Variants in RPS6KB1 observed in about 807,000 individuals in gnomAD.
RPS6KB1 encodes the protein ribosomal protein S6 kinase beta-1.
Under a neutral mutation model 70.2 loss-of-function variants are expected in RPS6KB1, and 12 were observed. The observed-to-expected ratio is 0.17, with a 90% CI of 0.11 to 0.28. The LOEUF (loss-of-function observed/expected upper bound fraction) is 0.28. Among genes scored for constraint, RPS6KB1 ranks in the 10% least tolerant of loss-of-function variants. RPS6KB1 has a pLI of 1.00. For synonymous variants in RPS6KB1, 175 were observed against 211.2 expected, an observed-to-expected ratio of 0.83 and a Z score of 1.49; for missense variants, 270 against 646.6, an observed-to-expected ratio of 0.42 and a Z score of 6.32.
intron 4 of RPS6KB1, among the ~76,000 whole-genome samples, chr17:59,924,686 G>C (rs1288028993): frequency 6.6e-6 from 1 of 151,850 alleles, no homozygotes; most frequent in African/African-American, 2.4e-5. Flanking sequence ...GCAGGCATAA[G>C]CAGATACATA....
intron 1 of RPS6KB1, among the ~76,000 whole-genome samples, chr17:59,895,911 G>A (rs972225426): frequency 6.6e-6 from 1 of 152,166 alleles, no homozygotes; most frequent in African/African-American, 2.4e-5. Flanking sequence ...GGGATTACAG[G>A]CGTGAGCCAC....
intron 13 of RPS6KB1, among the ~76,000 whole-genome samples, chr17:59,942,502 A>G (rs2044671683): frequency 6.6e-6 from 1 of 152,130 alleles, no homozygotes; most frequent in African/African-American, 2.4e-5. Flanking sequence ...ATGAACATCT[A>G]TCTCATTTTG....
At chr17:59,935,631 C>T (rs1427501627) in intron 10 of RPS6KB1, among the ~76,000 whole-genome samples, 13 of 151,730 alleles carry the variant, frequency 8.6e-5, no homozygotes, top group African/African-American at 1.9e-4. Flanking sequence ...CCCGCCACCA[C>T]GCCCGGCTAA....
chr17:59,894,981 T>TTTTTC (rs60799718), intron 1 of RPS6KB1, among the ~76,000 whole-genome samples: 38,922 of 150,858 alleles, frequency 0.26, 5,088 homozygotes, highest in Middle Eastern at 0.39. Context: ...AGTTGTGTGC[T>TTTTTC]TTTTCTTTTC....
At chr17:59,933,690 C>G (rs1023404563) in intron 7 of RPS6KB1, among the ~76,000 whole-genome samples, 25 of 152,102 alleles carry the variant, frequency 1.6e-4, no homozygotes, top group African/African-American at 5.8e-4. Flanking sequence ...AATGAGCTAC[C>G]TTGTTATAAT....
chr17:59,920,274 T>TC (rs1235197324), intron 4 of RPS6KB1, among the ~76,000 whole-genome samples: 1 of 152,106 alleles, frequency 6.6e-6, no homozygotes, highest in Non-Finnish European at 1.5e-5. Flanking sequence ...CTTCTTGGCC[T>TC]CCCAAAGTGC....
At chr17:59,932,881 T>G (rs545212600) in intron 7 of RPS6KB1, among the ~76,000 whole-genome samples, 10 of 152,292 alleles carry the variant, frequency 6.6e-5, no homozygotes, top group African/African-American at 2.2e-4. Flanking sequence ...TGCTGTTTGT[T>G]TGTAACAACA....
Position 59,949,176 on chromosome 17 carries a change from T to C in RPS6KB1, c.*2388T>C, listed in dbSNP as rs1332033961. On this transcript the variant is annotated 3_prime_UTR_variant, in exon 15 of 15. Transcript: ENST00000225577. ...GACTTCACATTTATTAAGTGAAATT[T>C]ATTTCCCATGCTGTGGAAAGTTTAT... The C allele has an allele frequency of 6.6e-6, 1 of 152,660 alleles. No homozygotes were observed. The highest frequency in any genetic ancestry group is 2.4e-5 in the African/African-American group (1 of 41,474). 9.5% of individuals were successfully genotyped at this position (152,660 alleles called of 1,614,324 possible). A position where few individuals can be genotyped will look rare whatever the true frequency, so the allele number is the denominator to read the frequency against.
intron 1 of RPS6KB1, among the ~76,000 whole-genome samples, chr17:59,900,050 C>T (rs981372934): frequency 5.9e-5 from 9 of 151,906 alleles, no homozygotes; most frequent in South Asian, 2.1e-4. Flanking sequence ...CAGCACACGC[C>T]TGGCACTAGT....
intron 1 of RPS6KB1, among the ~76,000 whole-genome samples, chr17:59,895,860 T>A (rs1450504695): frequency 4.0e-5 from 6 of 151,886 alleles, no homozygotes; most frequent in Non-Finnish European, 7.4e-5. Context: ...CCTGAACTCC[T>A]GAGCTCCAGC....
chr17:59,925,259 A>G lies in RPS6KB1; in HGVS notation c.382-1176A>G, dbSNP rs552340772. 2.6e-5 allele frequency among the ~76,000 whole-genome samples: 4 copies of G among 152,282 alleles called. No individual in the cohort carries two copies. The South Asian group carries it at 8.3e-4, about 32-fold the overall frequency. ...TTCACAGATAATGTTGCAACCAATT[A>G]CCTGTGTATTTGCTTTCCATATTAC... On this transcript the variant is annotated intron_variant, in intron 4 of 14. Transcript: ENST00000225577.
chr17:59,903,563 A>G (rs2074630914), intron 1 of RPS6KB1, among the ~76,000 whole-genome samples: 1 of 152,206 alleles, frequency 6.6e-6, no homozygotes, highest in East Asian at 1.9e-4. Flanking sequence ...TTGAGTAGAT[A>G]CATTGGAGTA....
intron 1 of RPS6KB1, among the ~76,000 whole-genome samples, chr17:59,909,701 A>AC (rs1425562916): frequency 6.6e-6 from 1 of 150,484 alleles, no homozygotes; most frequent in African/African-American, 2.4e-5. Flanking sequence ...ACATGATGAA[A>AC]CCCCATCTCT....
intron 12 of RPS6KB1, among the ~76,000 whole-genome samples, chr17:59,940,275 CTTTTTT>C (rs559026454): frequency 8.6e-5 from 7 of 81,488 alleles, no homozygotes; most frequent in Admixed American, 1.8e-4. Flanking sequence ...GATATATTCA[CTTTTTT>C]TTTTTTTTTT....
rs2145097228 is a variant in RPS6KB1, at chr17:59,949,040, T to C, written c.*2252T>C. The C allele has an allele frequency of 6.5e-6, 1 of 152,750 alleles. No individual in the cohort carries two copies. The highest frequency in any genetic ancestry group is 6.5e-5 in the Admixed American group (1 of 15,292). The allele number at this position is 152,750 out of a possible 1,614,324, so 9.5% of individuals were successfully genotyped here. On this transcript the variant is annotated 3_prime_UTR_variant, in exon 15 of 15. Transcript: ENST00000225577. Reference sequence around the variant, plus strand: ...ATTGGCTGGCTATAACCACCCCAGTTAAACCATTTTCATAATTAGTAGTGC... The same window carrying C: ...ATTGGCTGGCTATAACCACCCCAGTCAAACCATTTTCATAATTAGTAGTGC...
intron 5 of RPS6KB1, 90 bp downstream of exon 5, chr17:59,926,672 A>G (rs2043624844): frequency 1.8e-6 from 2 of 1,112,448 alleles, no homozygotes; most frequent in South Asian, 3.0e-5. Flanking sequence ...ACTTTTTCCC[A>G]TTATGATCAA....
intron 13 of RPS6KB1, among the ~76,000 whole-genome samples, chr17:59,941,863 T>C (rs1285290084): frequency 1.3e-5 from 2 of 148,370 alleles, no homozygotes; most frequent in Admixed American, 1.3e-4. Context: ...CGATTTCTTT[T>C]TTTTTTTTTT....
chr17:59,923,912 A>G (rs1000728850), intron 4 of RPS6KB1, among the ~76,000 whole-genome samples: 4 of 152,262 alleles, frequency 2.6e-5, no homozygotes, highest in African/African-American at 4.8e-5. Context: ...CAATATGTGC[A>G]TAATGAAAAT....
rs558075313 is a variant in RPS6KB1 at position 59,942,058 on chromosome 17, T to C, written c.1227+1115T>C. Reference sequence around the variant, plus strand: ...TATTTGTAGTAGAGACGGGGTTTCATCGTGTTAGCCAGGATAGTTTTGATC... The same window carrying C: ...TATTTGTAGTAGAGACGGGGTTTCACCGTGTTAGCCAGGATAGTTTTGATC... On this transcript the variant is annotated intron_variant, in intron 13 of 14. Transcript: ENST00000225577. Among the ~76,000 whole-genome samples, 677 of 152,114 alleles carry C rather than the reference T, an allele frequency of 4.5e-3. 6 individuals are homozygous for C. Among genetic ancestry groups the C allele is most frequent in the African/African-American group, 0.014 (588 of 41,514 alleles).
Sources: allele counts gnomAD v4.1 joint callset (sites outside exome capture counted in the v4.1 genomes callset), GRCh38; gene constraint gnomAD v4.1.1; transcripts MANE v1.5; gene names NCBI Gene and HGNC (gene_info 2026-07-23, HGNC 2026-07-21).